Variants in MAPK9 observed in about 807,000 individuals in gnomAD.
MAPK9 encodes Jun kinase.
MAPK9 carries 30 observed loss-of-function variants against 57.1 expected under a neutral mutation model. That is an observed-to-expected ratio of 0.53 (90% confidence interval 0.39 to 0.71). The LOEUF is 0.71. Among genes scored for constraint, MAPK9 ranks in the 30% least tolerant of loss-of-function variants. The pLI, the probability that MAPK9 is intolerant of heterozygous loss-of-function variation, is 0.00. For synonymous variants in MAPK9, 155 were observed against 177.0 expected, an observed-to-expected ratio of 0.88 and a Z score of 0.99; for missense variants, 362 against 521.0, an observed-to-expected ratio of 0.69 and a Z score of 2.97.
At chr5:180,259,033 CAAA>C (rs35532910) in intron 5 of MAPK9, among the ~76,000 whole-genome samples, 4 of 132,502 alleles carry the variant, frequency 3.0e-5, no homozygotes, top group Non-Finnish European at 1.6e-5. Flanking sequence ...GACTCTGTTT[CAAA>C]AAAAAAAAAA....
At chr5:180,248,950 C>CCCATACTAAACCTCCCATAT in intron 6 of MAPK9, 23 bp downstream of exon 6, 1 of 1,576,228 alleles carries the variant, frequency 6.3e-7, no homozygotes, top group Non-Finnish European at 8.6e-7. Flanking sequence ...ATCCCAGCCT[C>CCCATACTAAACCTCCCATAT]TTCCAGCCCC....
intron 2 of MAPK9, among the ~76,000 whole-genome samples, chr5:180,271,138 GAAC>G (rs1386624387): frequency 6.6e-6 from 1 of 152,120 alleles, no homozygotes; most frequent in Non-Finnish European, 1.5e-5. Context: ...ACATATTTCA[GAAC>G]AATATGCTGG....
At position 180,247,693 on chromosome 5, in the gene MAPK9, T is replaced by C; in HGVS notation, c.617-183A>G. On this transcript the variant is annotated intron_variant, in intron 6 of 11. Transcript: ENST00000452135. This position sits in a 1 kb window ranked among gnomAD's most constrained non-coding sequence, Gnocchi z 4.5. ...TTTTAGCCTTCGGTTTGTAGCAATCTGGGGTTTTAGTGCCAAAGAGTCCAA... is the reference window on the plus strand; with the variant it reads ...TTTTAGCCTTCGGTTTGTAGCAATCCGGGGTTTTAGTGCCAAAGAGTCCAA... The C allele has an allele frequency of 1.0e-6, 1 of 953,954 alleles. No homozygotes were observed. The highest frequency in any genetic ancestry group is 1.6e-6 in the Non-Finnish European group (1 of 606,876). The allele number at this position is 953,954 out of a possible 1,614,324, so 59.1% of individuals were successfully genotyped here. A position where few individuals can be genotyped will look rare whatever the true frequency, so the allele number is the denominator to read the frequency against.
intron 6 of MAPK9, among the ~76,000 whole-genome samples, chr5:180,248,480 GA>G (rs1758341038): frequency 6.6e-6 from 1 of 152,248 alleles, no homozygotes; most frequent in Non-Finnish European, 1.5e-5. Flanking sequence ...GATATTGCTA[GA>G]ATAAGCTAAG....
At chr5:180,278,269 T>C (rs147577778) in intron 2 of MAPK9, among the ~76,000 whole-genome samples, 2 of 152,366 alleles carry the variant, frequency 1.3e-5, no homozygotes, top group Non-Finnish European at 2.9e-5. Flanking sequence ...TGAGCCTTCC[T>C]AGTCCTTCGA....
intron 3 of MAPK9, among the ~76,000 whole-genome samples, chr5:180,267,003 C>T (rs914277881): frequency 6.6e-6 from 1 of 152,122 alleles, no homozygotes; most frequent in Middle Eastern, 3.2e-3. Flanking sequence ...CTGTGCTATG[C>T]AACCATTTAA....
At chr5:180,249,343 A>G (rs1758438233) in intron 5 of MAPK9, among the ~76,000 whole-genome samples, 1 of 152,162 alleles carries the variant, frequency 6.6e-6, no homozygotes, top group South Asian at 2.1e-4. Flanking sequence ...CCTTACCCCC[A>G]GTGGAAACCT....
chr5:180,289,974 G>A (rs1763089490), intron 1 of MAPK9, among the ~76,000 whole-genome samples: 1 of 152,074 alleles, frequency 6.6e-6, no homozygotes, highest in Non-Finnish European at 1.5e-5. Flanking sequence ...TTCCACCTCA[G>A]CCTCCCAAGC....
chr5:180,244,001 T>C (rs559848850), intron 7 of MAPK9, among the ~76,000 whole-genome samples: 3 of 152,190 alleles, frequency 2.0e-5, no homozygotes, highest in East Asian at 1.9e-4. Context: ...GCACCTGCCA[T>C]AACGGTCGGC....
At chr5:180,239,880 G>A in intron 10 of MAPK9, 44 bp downstream of exon 10, 1 of 1,571,264 alleles carries the variant, frequency 6.4e-7, no homozygotes, top group Non-Finnish European at 8.8e-7. Flanking sequence ...TACAGGATTG[G>A]AAGAAATGTC....
intron 5 of MAPK9, among the ~76,000 whole-genome samples, chr5:180,258,964 G>A (rs554823895): frequency 2.6e-5 from 4 of 151,730 alleles, no homozygotes; most frequent in Admixed American, 1.3e-4. Flanking sequence ...AACCTGGGAG[G>A]TGGAGGTTGC....
chr5:180,247,217 C>CT lies in MAPK9; in HGVS notation c.688+221dup, dbSNP rs1758197923. 2.4e-5 allele frequency: 14 copies of CT among 578,286 alleles called. No homozygotes were observed. The South Asian group carries it at 3.0e-4, about 12-fold the overall frequency. The allele number at this position is 578,286 out of a possible 1,614,324, so 35.8% of individuals were successfully genotyped here. On this transcript the variant is annotated intron_variant, in intron 7 of 11. Transcript: ENST00000452135. The surrounding 1 kb of genome is among the most constrained non-coding windows in gnomAD (Gnocchi z 4.5). ...CTAATATAATCGGTTTAACTGAACT[C>CT]TAAGTCTCAAAGTCATCACAGGTAG... is the stretch of plus-strand genomic sequence containing the variant.
At chr5:180,280,375 A>G (rs1762216940) in intron 2 of MAPK9, 65 bp downstream of exon 2, 1 of 1,565,300 alleles carries the variant, frequency 6.4e-7, no homozygotes, top group African/African-American at 1.4e-5. Flanking sequence ...AAATCCTGAC[A>G]CTTTAGTTTT....
chr5:180,290,742 G>A (rs1763156663), intron 1 of MAPK9, among the ~76,000 whole-genome samples: 1 of 152,216 alleles, frequency 6.6e-6, no homozygotes, highest in Admixed American at 6.5e-5. Flanking sequence ...GTCACTAAAT[G>A]AACAGATAAA....
At position 180,241,108 on chromosome 5, in the gene MAPK9, C is replaced by T; in HGVS notation, c.919G>A (p.Asp307Asn). Residue 307 changes from aspartate to asparagine, a missense_variant, in exon 9 of 12, where the codon GAC becomes AAC. Physicochemically the swap from Asp to Asn is conservative, Grantham distance 23. Around this residue, in one of 3 missense-constraint regions of MAPK9, gnomAD observed 199 missense variants for 251.3 expected, o/e 0.79. Coordinates refer to ENST00000452135, the MANE Select transcript of MAPK9 (RefSeq NM_002752.5). The stretch of plus-strand genomic sequence containing the variant: ...GCTTCGTCTACAGAGATCCGCTTGT[C>T]AGGATCAATCACTAACATTTTTGAT... ...LLSKMLVIDPDKRISVDEALR... is the reference protein window; with the variant it reads ...LLSKMLVIDPNKRISVDEALR... The T allele has an allele frequency of 6.2e-7, 1 of 1,614,040 alleles. No homozygotes were observed. Among genetic ancestry groups the T allele is most frequent in the Non-Finnish European group, 8.5e-7 (1 of 1,179,966 alleles).
At position 180,249,051 on chromosome 5, in the gene MAPK9, A is replaced by G; in HGVS notation, c.538T>C (p.Phe180Leu). ...GTCACCACGTAAGGGGTCATCATGA[A>G]GTTAGTGCACGCTGTCCGGGCCAGG... ...FGLARTACTN[F>L]MMTPYVVTRY... Residue 180 changes from phenylalanine to leucine, a missense_variant, in exon 6 of 12, where the codon TTC becomes CTC. Phe to Leu is a conservative substitution (Grantham distance 22, BLOSUM62 0). This residue lies in a region of MAPK9 where 127 missense variants were observed against 231.7 expected (regional missense o/e 0.55). Transcript: ENST00000452135. 6.2e-7 allele frequency: 1 copy of G among 1,614,050 alleles called. No homozygotes were observed. The highest frequency in any genetic ancestry group is 1.1e-5 in the South Asian group (1 of 91,044).
intron 5 of MAPK9, among the ~76,000 whole-genome samples, chr5:180,251,603 G>A (rs17627536): frequency 0.18 from 27,185 of 152,094 alleles, 3,096 homozygotes; most frequent in Non-Finnish European, 0.26. Context: ...AGTCACCCCC[G>A]AAATACAACC....
chr5:180,270,088 T>C (rs1761114038), intron 2 of MAPK9, among the ~76,000 whole-genome samples: 2 of 152,196 alleles, frequency 1.3e-5, no homozygotes, highest in South Asian at 2.1e-4. Flanking sequence ...AAAATAGACA[T>C]GAAGAATCAA....
intron 5 of MAPK9, among the ~76,000 whole-genome samples, chr5:180,257,174 C>T (rs771288886): frequency 7.9e-5 from 12 of 152,326 alleles, no homozygotes; most frequent in South Asian, 2.1e-4. Context: ...CTATCCCTGA[C>T]GCTGCCCTTG....
Sources: gnomAD v4.1 joint callset for allele counts (sites outside exome capture counted in the v4.1 genomes callset) on GRCh38, gnomAD v4.1.1 for gene constraint, gnomAD v4.1.1 regional missense constraint, Gnocchi (gnomAD v3.1) non-coding constraint, MANE v1.5 for transcripts, NCBI Gene and HGNC (gene_info 2026-07-23, HGNC 2026-07-21) for gene names.